CPAP: variants seen among roughly 807,000 people sequenced by gnomAD.
CPAP encodes the protein centrosome assembly and centriole elongation protein.
At chr13:24,897,507 G>A in the CPAP span, among the ~76,000 whole-genome samples, 2 of 152,146 alleles carry the variant, frequency 1.3e-5, no homozygotes, top group African/African-American at 4.8e-5. Flanking sequence ...GGTCACATAT[G>A]CGCAGTTATT....
At chr13:24,893,459 C>A in the CPAP span, among the ~76,000 whole-genome samples, 34 of 152,250 alleles carry the variant, frequency 2.2e-4, no homozygotes, top group African/African-American at 8.0e-4. Context: ...GGCACCGAAG[C>A]CCATCAGTGG....
the CPAP span, among the ~76,000 whole-genome samples, chr13:24,918,000 A>T: frequency 6.6e-6 from 1 of 152,250 alleles, no homozygotes; most frequent in Non-Finnish European, 1.5e-5. Context: ...ACACTGTTGC[A>T]TTGGGAATTA....
the CPAP span, among the ~76,000 whole-genome samples, chr13:24,903,054 TA>T: frequency 6.6e-6 from 1 of 152,068 alleles, no homozygotes; most frequent in African/African-American, 2.4e-5. Flanking sequence ...CAAGTACAAT[TA>T]AAAAATATGT....
At chr13:24,890,724 G>C in the CPAP span, among the ~76,000 whole-genome samples, 4 of 152,140 alleles carry the variant, frequency 2.6e-5, no homozygotes, top group Non-Finnish European at 4.4e-5. Flanking sequence ...CTGGCTTTCT[G>C]CATCTCCTCC....
chr13:24,916,938 A>G, the CPAP span, among the ~76,000 whole-genome samples: 1 of 152,178 alleles, frequency 6.6e-6, no homozygotes, highest in Non-Finnish European at 1.5e-5. Context: ...AGTGTGTATT[A>G]TCAGAAATAA....
the CPAP span, among the ~76,000 whole-genome samples, chr13:24,926,892 G>A: frequency 0.012 from 1,776 of 152,270 alleles, 39 homozygotes; most frequent in African/African-American, 0.039. Context: ...GGCCATAGCA[G>A]ACAACTTCCT....
At chr13:24,921,503 C>T in the CPAP span, among the ~76,000 whole-genome samples, 63 of 152,320 alleles carry the variant, frequency 4.1e-4, 2 homozygotes, top group South Asian at 0.012. Flanking sequence ...GGGGTGGATA[C>T]ACTTAGGCTG....
At chr13:24,888,652 T>G in the CPAP span, among the ~76,000 whole-genome samples, 2 of 152,202 alleles carry the variant, frequency 1.3e-5, no homozygotes, top group African/African-American at 2.4e-5. Context: ...ATCTTACTCT[T>G]CATATATATC....
At chr13:24,884,689 C>G in the CPAP span, among the ~76,000 whole-genome samples, 1 of 152,250 alleles carries the variant, frequency 6.6e-6, no homozygotes, top group African/African-American at 2.4e-5. Context: ...CTTCCCTTAT[C>G]AACAATTTGT....
At chr13:24,911,977 G>A in the CPAP span, 49 of 1,614,036 alleles carry the variant, frequency 3.0e-5, no homozygotes, top group Non-Finnish European at 4.2e-5. Context: ...ACACCATGGT[G>A]AGCAGCTTCT....
the CPAP span, chr13:24,913,112 C>G: frequency 8.5e-7 from 1 of 1,176,462 alleles, no homozygotes; most frequent in East Asian, 2.4e-5. Context: ...AAATAGCCAA[C>G]AAAATGTATT....
chr13:24,904,060 T>C, the CPAP span: 11 of 1,613,784 alleles, frequency 6.8e-6, no homozygotes, highest in Non-Finnish European at 9.3e-6. Flanking sequence ...CATTGTCACC[T>C]ATGAAATAGG....
At chr13:24,891,806 C>T in the CPAP span, among the ~76,000 whole-genome samples, 2 of 152,180 alleles carry the variant, frequency 1.3e-5, no homozygotes, top group Non-Finnish European at 2.9e-5. Flanking sequence ...GAATCCCATC[C>T]ACCACCCACT....
the CPAP span, chr13:24,889,022 C>G: frequency 2.5e-6 from 1 of 396,892 alleles, no homozygotes; most frequent in East Asian, 5.4e-5. Flanking sequence ...ATGAATGTTT[C>G]CTTTGAGCAT....
the CPAP span, chr13:24,882,940 T>G: frequency 5.8e-6 from 3 of 518,300 alleles, no homozygotes; most frequent in African/African-American, 1.9e-5. Flanking sequence ...GTACACAATT[T>G]CTAAACAGTC....
At chr13:24,883,439 TGAAA>T in the CPAP span, 2 of 1,277,812 alleles carry the variant, frequency 1.6e-6, no homozygotes, top group Non-Finnish European at 2.2e-6. Context: ...GAAAAACTAC[TGAAA>T]AGTAGCCTTT....
the CPAP span, among the ~76,000 whole-genome samples, chr13:24,930,083 T>A: frequency 6.6e-6 from 1 of 151,666 alleles, no homozygotes; most frequent in African/African-American, 2.4e-5. Context: ...GTTAATTTTT[T>A]AATTTTTTTG....
the CPAP span, among the ~76,000 whole-genome samples, chr13:24,888,113 G>A: frequency 1.3e-5 from 2 of 152,070 alleles, no homozygotes; most frequent in Non-Finnish European, 2.9e-5. Flanking sequence ...TAAAATTCCA[G>A]ATTAAAAACT....
the CPAP span, chr13:24,883,521 T>C: frequency 1.6e-6 from 1 of 628,474 alleles, no homozygotes; most frequent in Non-Finnish European, 2.7e-6. Flanking sequence ...TTCTACAGTG[T>C]TTCTGCTTCA....
Sources: allele counts gnomAD v4.1 joint callset (sites outside exome capture counted in the v4.1 genomes callset), GRCh38; gene constraint gnomAD v4.1.1; transcripts MANE v1.5; gene names NCBI Gene and HGNC (gene_info 2026-07-23, HGNC 2026-07-21).